The following SIDT1 variants were observed in gnomAD, a reference collection of about 807,000 sequenced individuals.
The protein encoded by SIDT1 is SID1 transmembrane family, member 1.
A neutral mutation model predicts 107.5 loss-of-function variants in SIDT1; 101 were observed. The ratio of observed to expected loss-of-function variants is 0.94; its 90% CI spans 0.80 to 1.11. SIDT1 has a LOEUF of 1.11. Ranked by LOEUF, SIDT1 falls within the 50% of genes least tolerant of loss-of-function variation. The pLI, the probability that SIDT1 is intolerant of heterozygous loss-of-function variation, is 0.00. For synonymous variants in SIDT1, 395 were observed against 398.2 expected (o/e 0.99, Z 0.10); for missense variants, 1,076 against 1,058.2 (o/e 1.02, Z -0.23).
chr3:113,551,027 T>A (rs890557656), intron 1 of SIDT1, among the ~76,000 whole-genome samples: 1 of 152,240 alleles, frequency 6.6e-6, no homozygotes. Context: ...TGGTTTTCTG[T>A]TCCTGTGTTA....
chr3:113,578,463 T>C (rs189922969), intron 4 of SIDT1, among the ~76,000 whole-genome samples: 2,611 of 137,674 alleles, frequency 0.019, 69 homozygotes, highest in Non-Finnish European at 0.024. Flanking sequence ...CGAGACTCTG[T>C]CTCAAAAAAA....
At chr3:113,627,240 C>T (rs1394047719) in intron 24 of SIDT1, among the ~76,000 whole-genome samples, 1 of 152,182 alleles carries the variant, frequency 6.6e-6, no homozygotes, top group Admixed American at 6.5e-5. Context: ...TTTTACCTCC[C>T]CACACCTGAT....
At chr3:113,606,831 C>T in intron 14 of SIDT1, 1 of 485,016 alleles carries the variant, frequency 2.1e-6, no homozygotes, top group Admixed American at 3.4e-5. Context: ...AGAATATTCC[C>T]ATTCAAAGCA....
intron 15 of SIDT1, among the ~76,000 whole-genome samples, chr3:113,607,873 C>G (rs1400010938): frequency 1.3e-5 from 2 of 152,062 alleles, no homozygotes; most frequent in Non-Finnish European, 2.9e-5. Flanking sequence ...AAGCAGGCAC[C>G]CTTGAGAGGA....
intron 4 of SIDT1, among the ~76,000 whole-genome samples, chr3:113,579,929 G>A (rs1173675968): frequency 6.6e-6 from 1 of 152,166 alleles, no homozygotes; most frequent in Non-Finnish European, 1.5e-5. Context: ...TGGGTAAATA[G>A]TACAACCTCT....
chr3:113,579,997 C>A (rs1203953450), intron 4 of SIDT1, among the ~76,000 whole-genome samples: 1 of 152,134 alleles, frequency 6.6e-6, no homozygotes, highest in Non-Finnish European at 1.5e-5. Context: ...TTAAAAGATA[C>A]CTCAGCCTGC....
At chr3:113,573,539 GA>G (rs1477007067) in intron 3 of SIDT1, among the ~76,000 whole-genome samples, 1 of 152,154 alleles carries the variant, frequency 6.6e-6, no homozygotes, top group African/African-American at 2.4e-5. Flanking sequence ...TGGATTTAGC[GA>G]TTAGATAGTG....
chr3:113,550,782 G>GT (rs1940140884), intron 1 of SIDT1, among the ~76,000 whole-genome samples: 1 of 151,670 alleles, frequency 6.6e-6, no homozygotes, highest in Non-Finnish European at 1.5e-5. Flanking sequence ...TAAGTTCAGG[G>GT]GTATATGTGC....
chr3:113,619,656 G>A, intron 20 of SIDT1, 24 bp from the exon 21 acceptor site: 1 of 1,611,872 alleles, frequency 6.2e-7, no homozygotes, highest in Non-Finnish European at 8.5e-7. Flanking sequence ...CCTCTCATTT[G>A]ATGTTTTCTT....
intron 4 of SIDT1, among the ~76,000 whole-genome samples, 177 bp from the exon 5 acceptor site, chr3:113,580,431 A>C (rs1943236280): frequency 6.6e-6 from 1 of 152,238 alleles, no homozygotes; most frequent in Admixed American, 6.5e-5. Context: ...TATATTCTTA[A>C]TGCCTGGCAC....
chr3:113,629,907 A>G (rs1219400218), downstream of SIDT1, among the ~76,000 whole-genome samples: 1 of 152,198 alleles, frequency 6.6e-6, no homozygotes, highest in Non-Finnish European at 1.5e-5. Context: ...TTTTACAAAT[A>G]TCAGTTCTAA....
intron 3 of SIDT1, among the ~76,000 whole-genome samples, chr3:113,568,497 G>A (rs868569320): frequency 1.3e-5 from 2 of 151,794 alleles, no homozygotes; most frequent in Non-Finnish European, 2.9e-5. Context: ...GGGAGGCTGA[G>A]GCAGGAGAAT....
chr3:113,551,503 G>A (rs374234643), intron 1 of SIDT1, among the ~76,000 whole-genome samples: 11 of 152,168 alleles, frequency 7.2e-5, no homozygotes, highest in African/African-American at 1.2e-4. Context: ...ATGTGCCCAC[G>A]AGAGCACATC....
intron 21 of SIDT1, among the ~76,000 whole-genome samples, chr3:113,621,054 T>C (rs1946431078): frequency 6.6e-6 from 1 of 152,200 alleles, no homozygotes; most frequent in African/African-American, 2.4e-5. Flanking sequence ...AGTTGCTTCA[T>C]AAAGACATGG....
intron 1 of SIDT1, among the ~76,000 whole-genome samples, chr3:113,556,821 C>CTTTTTCT (rs1553782951): frequency 2.0e-4 from 21 of 107,640 alleles, no homozygotes; most frequent in Admixed American, 9.1e-4. Flanking sequence ...GTTTCTTTTT[C>CTTTTTCT]TTTTTTTTTT....
At chr3:113,549,980 C>T (rs1940033458) in intron 1 of SIDT1, among the ~76,000 whole-genome samples, 1 of 152,144 alleles carries the variant, frequency 6.6e-6, no homozygotes, top group African/African-American at 2.4e-5. Flanking sequence ...GTTGTTCTAG[C>T]ATCATTTGTT....
In SIDT1 at chr3:113,612,792, T is replaced by C. The variant is rs574912797; in HGVS notation, c.1966+598T>C. Among the ~76,000 whole-genome samples, 11 of 152,342 alleles carry C rather than the reference T, an allele frequency of 7.2e-5. No individual in the cohort carries two copies. In the South Asian group the frequency reaches 2.3e-3, roughly 32 times the overall value. ...AACAGATTCAAGTGGTTTTAGAGCATTTAAATTTTAAAAAATCATTTTAAG... is the reference window on the plus strand; with the variant it reads ...AACAGATTCAAGTGGTTTTAGAGCACTTAAATTTTAAAAAATCATTTTAAG... On this transcript the variant is annotated intron_variant, in intron 19 of 24. Transcript: ENST00000264852.
chr3:113,602,665 G>C (rs943577787), intron 11 of SIDT1: 4 of 185,880 alleles, frequency 2.2e-5, no homozygotes, highest in African/African-American at 9.4e-5. Context: ...ATGTGCATGT[G>C]TATTTGTATA....
downstream of SIDT1, among the ~76,000 whole-genome samples, chr3:113,633,642 G>A (rs2107897067): frequency 6.6e-6 from 1 of 152,304 alleles, no homozygotes; most frequent in African/African-American, 2.4e-5. Context: ...AGTAATGGAA[G>A]TTAAGAAGTA....
Sources: gnomAD v4.1 joint callset for allele counts (sites outside exome capture counted in the v4.1 genomes callset) on GRCh38, gnomAD v4.1.1 for gene constraint, MANE v1.5 for transcripts, NCBI Gene and HGNC (gene_info 2026-07-23, HGNC 2026-07-21) for gene names.